Variants in PRDM16 observed in about 807,000 individuals in gnomAD.
The protein encoded by PRDM16 is histone-lysine N-methyltransferase PRDM16.
In PRDM16, 23 loss-of-function variants were observed where a neutral mutation model predicts 110.6. The ratio of observed to expected loss-of-function variants is 0.21; its 90% CI spans 0.15 to 0.29. The LOEUF is 0.29. Ranked by LOEUF, PRDM16 falls within the 10% of genes least tolerant of loss-of-function variation. The pLI is 1.00. For synonymous variants in PRDM16, 799 were observed against 781.8 expected, an observed-to-expected ratio of 1.02 and a Z score of -0.37; for missense variants, 1,615 against 1,794.3, an observed-to-expected ratio of 0.90 and a Z score of 1.81.
At chr1:3,385,893 C>A (rs1643187322) in intron 4 of PRDM16, among the ~76,000 whole-genome samples, 1 of 152,196 alleles carries the variant, frequency 6.6e-6, no homozygotes, top group East Asian at 1.9e-4. Context: ...CCCCTAAGCT[C>A]CCTGGATCCT....
intron 1 of PRDM16, among the ~76,000 whole-genome samples, chr1:3,090,271 C>A (rs1009162283): frequency 6.6e-6 from 1 of 152,216 alleles, no homozygotes; most frequent in Non-Finnish European, 1.5e-5. Context: ...GGGCTTGACA[C>A]TGAGGGCTGT....
intron 1 of PRDM16, among the ~76,000 whole-genome samples, chr1:3,151,587 G>A (rs1167680280): frequency 1.3e-5 from 2 of 152,242 alleles, no homozygotes; most frequent in African/African-American, 2.4e-5. Context: ...TAGGCAGCAC[G>A]TGTGAGCTGT....
chr1:3,403,291 C>T (rs1055208896), intron 6 of PRDM16, among the ~76,000 whole-genome samples: 1 of 152,200 alleles, frequency 6.6e-6, no homozygotes, highest in South Asian at 2.1e-4. Flanking sequence ...GGCTCATGGC[C>T]CTGCCTGCCA....
intron 2 of PRDM16, among the ~76,000 whole-genome samples, chr1:3,212,601 TCCCGGCCCCCTCGCTG>T (rs1227582504): frequency 1.6e-4 from 23 of 147,124 alleles, no homozygotes; most frequent in African/African-American, 5.5e-4. Context: ...CCGCTCATCC[TCCCGGCCCCCTCGCTG>T]AGGTCCTCCC....
At chr1:3,184,409 G>A (rs1357246646) in intron 1 of PRDM16, among the ~76,000 whole-genome samples, 2 of 152,162 alleles carry the variant, frequency 1.3e-5, no homozygotes, top group South Asian at 2.1e-4. Flanking sequence ...GGGGCCGGGA[G>A]GCGAGGGCCA....
chr1:3,366,405 TGCCTGTTC>T, intron 3 of PRDM16, among the ~76,000 whole-genome samples: 1 of 152,318 alleles, frequency 6.6e-6, no homozygotes, highest in Middle Eastern at 3.4e-3. Flanking sequence ...GGGCCCTCCA[TGCCTGTTC>T]GCGCTCAGTA....
intron 1 of PRDM16, among the ~76,000 whole-genome samples, chr1:3,155,550 T>C (rs1643846854): frequency 6.6e-6 from 1 of 152,240 alleles, no homozygotes; most frequent in African/African-American, 2.4e-5. Context: ...TTTTCCTTTT[T>C]CCTTCCTCCC....
intron 4 of PRDM16, among the ~76,000 whole-genome samples, chr1:3,393,815 C>T (rs1643336720): frequency 6.6e-6 from 1 of 152,230 alleles, no homozygotes; most frequent in African/African-American, 2.4e-5. Flanking sequence ...TCACCTCTGA[C>T]CCCCGAAGCA....
At chr1:3,177,509 G>A (rs907845337) in intron 1 of PRDM16, among the ~76,000 whole-genome samples, 3 of 152,200 alleles carry the variant, frequency 2.0e-5, no homozygotes, top group Non-Finnish European at 4.4e-5. Flanking sequence ...GTATAAACTG[G>A]GTGAGGTCAC....
At chr1:3,216,523 A>AT (rs1318261918) in intron 2 of PRDM16, among the ~76,000 whole-genome samples, 3 of 152,172 alleles carry the variant, frequency 2.0e-5, no homozygotes, top group African/African-American at 7.2e-5. Flanking sequence ...TGGGTTTCAG[A>AT]TGCCCCCGGT....
In PRDM16 at chr1:3,412,078, C is replaced by T. The variant is rs746328459; in HGVS notation, c.1881C>T (p.Ser627=). Residue 627 remains serine, a synonymous_variant, in exon 9 of 17, where the codon AGC becomes AGT. Coordinates refer to ENST00000270722, the MANE Select transcript of PRDM16 (RefSeq NM_022114.4). Reference sequence around the variant, plus strand: ...CGGGGACGGGCTCGGACCTGGACAGCGACGTGGACAGCGACCCTGACAAGG... The same window carrying T: ...CGGGGACGGGCTCGGACCTGGACAGTGACGTGGACAGCGACCCTGACAAGG... ...TTTGTGSDLD[S]DVDSDPDKDK... 45 of 1,596,232 alleles carry T rather than the reference C, an allele frequency of 2.8e-5. No individual in the cohort carries two copies. Among genetic ancestry groups the T allele is most frequent in the Admixed American group, 3.4e-5 (2 of 58,676 alleles).
intron 3 of PRDM16, among the ~76,000 whole-genome samples, chr1:3,277,976 G>A (rs1008799205): frequency 6.6e-6 from 1 of 152,216 alleles, no homozygotes; most frequent in Non-Finnish European, 1.5e-5. Context: ...CTAGGTCAGC[G>A]ATCATTGCTA....
chr1:3,404,685 C>A (rs1175565005), intron 6 of PRDM16, 54 bp from the exon 7 acceptor site: 1 of 1,605,360 alleles, frequency 6.2e-7, no homozygotes, highest in Admixed American at 1.7e-5. Flanking sequence ...GGGGTCCCCT[C>A]CCGGGCAGAG....
rs570110101 is a variant in PRDM16 at position 3,245,646 on chromosome 1, C to T, written c.438+1509C>T. ...GATGCCTGAGGTCTTCCTGCACCCACGTTTGACTGGAGCAAATGGAGCAAA... is the reference window on the plus strand; with the variant it reads ...GATGCCTGAGGTCTTCCTGCACCCATGTTTGACTGGAGCAAATGGAGCAAA... On this transcript the variant is annotated intron_variant, in intron 3 of 16. Transcript: ENST00000270722. The surrounding 1 kb of genome is among the most constrained non-coding windows in gnomAD (Gnocchi z 4.7). 5.1e-4 allele frequency among the ~76,000 whole-genome samples: 77 copies of T among 152,280 alleles called. No homozygotes were observed. The highest frequency in any genetic ancestry group is 1.8e-3 in the African/African-American group (75 of 41,552).
chr1:3,142,080 CT>C lies in PRDM16; in HGVS notation c.38-44043del, dbSNP rs1448908794. Among the ~76,000 whole-genome samples the C allele has an allele frequency of 2.0e-5, 3 of 152,264 alleles. No individual in the cohort carries two copies. In the East Asian group the frequency reaches 5.8e-4, roughly 29 times the overall value. The stretch of plus-strand genomic sequence containing the variant: ...ATCCACCCCGCAGGAGCTGGGAGCA[CT>C]TCTGAAAACCAAGCTCGTGAGAAAC... On this transcript the variant is annotated intron_variant, in intron 1 of 16. Transcript: ENST00000270722.
chr1:3,161,467 G>A (rs1478103175), intron 1 of PRDM16, among the ~76,000 whole-genome samples: 2 of 152,224 alleles, frequency 1.3e-5, no homozygotes, highest in South Asian at 2.1e-4. Context: ...GATGCTGGGG[G>A]TAGGAAAATG....
At chr1:3,212,323 G>A (rs1638905354) in intron 2 of PRDM16, among the ~76,000 whole-genome samples, 1 of 152,168 alleles carries the variant, frequency 6.6e-6, no homozygotes, top group Non-Finnish European at 1.5e-5. Flanking sequence ...TCACCCTCAG[G>A]GGCTGCCTTT....
intron 1 of PRDM16, among the ~76,000 whole-genome samples, chr1:3,171,086 C>A (rs1303332595): frequency 3.3e-5 from 5 of 152,148 alleles, no homozygotes; most frequent in Admixed American, 6.5e-5. Flanking sequence ...CCCACGGAGA[C>A]CTGCACCTTC....
chr1:3,289,113 C>G (rs1640917495), intron 3 of PRDM16, among the ~76,000 whole-genome samples: 2 of 152,238 alleles, frequency 1.3e-5, no homozygotes, highest in Admixed American at 1.3e-4. Context: ...CCTTTTCCCT[C>G]CTGTGCTTGT....
Sources: gnomAD v4.1 joint callset for allele counts (sites outside exome capture counted in the v4.1 genomes callset) on GRCh38, gnomAD v4.1.1 for gene constraint, Gnocchi (gnomAD v3.1) non-coding constraint, MANE v1.5 for transcripts, NCBI Gene and HGNC (gene_info 2026-07-23, HGNC 2026-07-21) for gene names.